The following ADD1 variants were observed in gnomAD, a reference collection of about 807,000 sequenced individuals.
ADD1 encodes alpha-adducin.
Under a neutral mutation model 80.5 loss-of-function variants are expected in ADD1, and 24 were observed. The observed-to-expected ratio is 0.30, with a 90% CI of 0.22 to 0.42. The LOEUF is 0.42. ADD1 is among the 10% of genes least tolerant of loss of function. The pLI is 1.00. For synonymous variants in ADD1, 373 were observed against 393.8 expected, an observed-to-expected ratio of 0.95 and a Z score of 0.63; for missense variants, 948 against 1,019.0, an observed-to-expected ratio of 0.93 and a Z score of 0.95.
Position 2,926,002 on chromosome 4 carries a change from G to T in ADD1, c.1949-12G>T, listed in dbSNP as rs372316871. On this transcript the variant is annotated splice_polypyrimidine_tract_variant and intron_variant, in intron 14 of 15. Coordinates refer to ENST00000683351, the MANE Select transcript of ADD1 (RefSeq NM_001354761.2). This position sits in a 1 kb window ranked among gnomAD's most constrained non-coding sequence, Gnocchi z 5.0. ...CCACAGCTCCTACCATATCCTTCTT[G>T]CTTCTCTGCAGAGAATCTGGACGAG... is the stretch of plus-strand genomic sequence containing the variant. 2 of 1,612,662 alleles carry T rather than the reference G, an allele frequency of 1.2e-6. No homozygotes were observed. The highest frequency in any genetic ancestry group is 1.7e-6 in the Non-Finnish European group (2 of 1,179,002).
chr4:2,913,003 C>T (rs1003172692), intron 13 of ADD1, among the ~76,000 whole-genome samples: 3 of 152,106 alleles, frequency 2.0e-5, no homozygotes, highest in African/African-American at 7.2e-5. Context: ...CACTACCACG[C>T]CTGGTTAATT....
At chr4:2,872,901 A>G in intron 1 of ADD1, among the ~76,000 whole-genome samples, 1 of 152,040 alleles carries the variant, frequency 6.6e-6, no homozygotes, top group South Asian at 2.1e-4. Flanking sequence ...ATTAGTTTAA[A>G]TTTATTCTAA....
intron 1 of ADD1, among the ~76,000 whole-genome samples, chr4:2,850,587 G>A (rs546321785): frequency 5.3e-5 from 8 of 152,294 alleles, no homozygotes; most frequent in Middle Eastern, 6.8e-3. Flanking sequence ...CACCATGCCC[G>A]GCTAATTTTT....
At chr4:2,928,117 C>T in intron 15 of ADD1, 54 bp from the exon 16 acceptor site, 1 of 1,508,780 alleles carries the variant, frequency 6.6e-7, no homozygotes, top group Non-Finnish European at 9.1e-7. Context: ...TCTCAAGCTG[C>T]CCTTTGAGAT....
intron 11 of ADD1, 48 bp downstream of exon 11, chr4:2,907,892 A>C (rs1483522407): frequency 6.8e-7 from 1 of 1,476,094 alleles, no homozygotes; most frequent in Admixed American, 1.7e-5. Context: ...TGGGATTGGA[A>C]GGGATGCCAG....
chr4:2,886,600 G>A (rs559092530), intron 4 of ADD1, among the ~76,000 whole-genome samples: 4 of 152,192 alleles, frequency 2.6e-5, no homozygotes, highest in East Asian at 1.9e-4. Flanking sequence ...CAGGGAGAGC[G>A]TCTGTTGTGG....
chr4:2,872,131 G>A (rs1322014924), intron 1 of ADD1, among the ~76,000 whole-genome samples: 2 of 152,176 alleles, frequency 1.3e-5, no homozygotes, highest in African/African-American at 2.4e-5. Flanking sequence ...AGTGACATCT[G>A]GGGGATGGGA....
chr4:2,875,929 C>T lies in ADD1; in HGVS notation c.14C>T (p.Ser5Phe). 6.3e-7 allele frequency: 1 copy of T among 1,595,544 alleles called. No individual in the cohort carries two copies. Among genetic ancestry groups the T allele is most frequent in the Middle Eastern group, 1.7e-4 (1 of 5,942 alleles). MNGD[S>F]RAAVVTSPPP... ...AAAGATTGTACAATGAATGGTGATT[C>T]TCGTGCTGCGGTGGTGACCTCACCA... Residue 5 changes from serine to phenylalanine, a missense_variant, in exon 2 of 16, where the codon TCT becomes TTT. By Grantham distance (155) the Ser-to-Phe change is radical (BLOSUM62 -2). Transcript: ENST00000683351.
intron 14 of ADD1, among the ~76,000 whole-genome samples, chr4:2,921,895 T>C (rs1239345489): frequency 6.6e-6 from 1 of 151,948 alleles, no homozygotes; most frequent in East Asian, 1.9e-4. Context: ...CTTCAATCTC[T>C]GATATATCCT....
In ADD1 at chr4:2,873,839, T is replaced by G. The variant is rs143905473; in HGVS notation, c.-20-2057T>G. Among the ~76,000 whole-genome samples, 225 of 152,328 alleles carry G rather than the reference T, an allele frequency of 1.5e-3. 2 individuals carry two copies. Among genetic ancestry groups the G allele is most frequent in the African/African-American group, 5.2e-3 (217 of 41,566 alleles). ...TATTGTTTTGTTCTTTGGTCATTCT[T>G]TTGGAAGGTTTACAATAAATAGATT... On this transcript the variant is annotated intron_variant, in intron 1 of 15. Coordinates refer to ENST00000683351, the MANE Select transcript of ADD1 (RefSeq NM_001354761.2).
chr4:2,846,129 G>T (rs1226734195), intron 1 of ADD1, among the ~76,000 whole-genome samples: 1 of 152,172 alleles, frequency 6.6e-6, no homozygotes, highest in East Asian at 1.9e-4. Flanking sequence ...TATCCAGCCA[G>T]TGTTAAAATT....
intron 1 of ADD1, among the ~76,000 whole-genome samples, chr4:2,846,949 C>A (rs1334944952): frequency 6.6e-6 from 1 of 151,932 alleles, no homozygotes; most frequent in Non-Finnish European, 1.5e-5. Context: ...AATCCCGTCT[C>A]TACTAAAAAC....
At chr4:2,923,767 A>G (rs1740500110) in intron 14 of ADD1, among the ~76,000 whole-genome samples, 1 of 152,256 alleles carries the variant, frequency 6.6e-6, no homozygotes, top group African/African-American at 2.4e-5. Flanking sequence ...TCATTCTCAA[A>G]GTAACCCTGA....
chr4:2,862,969 A>G (rs566665119), intron 1 of ADD1, among the ~76,000 whole-genome samples: 10 of 152,254 alleles, frequency 6.6e-5, no homozygotes, highest in South Asian at 4.1e-4. Flanking sequence ...GAAAAGTTGC[A>G]TGGGATCTGC....
At position 2,904,812 on chromosome 4, in the gene ADD1, T is replaced by A; in HGVS notation, c.1210T>A (p.Ser404Thr). 1 of 1,614,062 alleles carries A rather than the reference T, an allele frequency of 6.2e-7. No homozygotes were observed. The highest frequency in any genetic ancestry group is 1.1e-5 in the South Asian group (1 of 91,078). Reference sequence around the variant, plus strand: ...TCGATACCCTGCTCTGAGAGAGAAGTCTAAAAAATACAGCGATGTGGAGGT... The same window carrying A: ...TCGATACCCTGCTCTGAGAGAGAAGACTAAAAAATACAGCGATGTGGAGGT... The part of the protein sequence containing the change: ...PYRYPALREK[S>T]KKYSDVEVPA... The change falls in exon 10 of 16, where the codon TCT becomes ACT. Residue 404 changes from serine to threonine, a missense_variant. By Grantham distance (58) the Ser-to-Thr change is moderately conservative. Transcript: ENST00000683351.
intron 4 of ADD1, among the ~76,000 whole-genome samples, chr4:2,891,050 C>T (rs185659359): frequency 9.9e-5 from 15 of 151,394 alleles, no homozygotes; most frequent in African/African-American, 3.6e-4. Context: ...TTTTGGAGGC[C>T]AAGGCAGGAG....
chr4:2,908,688 G>C (rs970873964), intron 12 of ADD1, 84 bp downstream of exon 12: 2 of 1,159,278 alleles, frequency 1.7e-6, no homozygotes, highest in Non-Finnish European at 2.6e-6. Flanking sequence ...TTGAGAGAGT[G>C]ACTTTATGAG....
intron 4 of ADD1, 80 bp downstream of exon 4, chr4:2,884,746 G>T: frequency 6.9e-7 from 1 of 1,449,946 alleles, no homozygotes; most frequent in Non-Finnish European, 9.3e-7. Flanking sequence ...TTTAGGAGAA[G>T]AGGGAAGCAG....
intron 1 of ADD1, among the ~76,000 whole-genome samples, chr4:2,845,878 A>G (rs1354991349): frequency 2.0e-5 from 3 of 152,226 alleles, no homozygotes; most frequent in African/African-American, 7.2e-5. Context: ...AGTTAGATTG[A>G]CTGCCCTTCC....
Sources: allele counts gnomAD v4.1 joint callset (sites outside exome capture counted in the v4.1 genomes callset), GRCh38; gene constraint gnomAD v4.1.1; non-coding constraint Gnocchi (gnomAD v3.1); transcripts MANE v1.5; gene names NCBI Gene and HGNC (gene_info 2026-07-23, HGNC 2026-07-21).